Variants in EIF4A1 observed in about 807,000 individuals in gnomAD.
The protein encoded by EIF4A1 is eukaryotic initiation factor 4A-I.
EIF4A1 carries 11 observed loss-of-function variants against 53.5 expected under a neutral mutation model. The ratio of observed to expected loss-of-function variants is 0.21; its 90% CI spans 0.13 to 0.34. EIF4A1 has a LOEUF of 0.34. Among genes scored for constraint, EIF4A1 ranks in the 10% least tolerant of loss-of-function variants. The pLI is 1.00. For missense variants in EIF4A1, 213 were observed against 530.8 expected, an observed-to-expected ratio of 0.40 and a Z score of 5.88; for synonymous variants, 237 against 186.7, an observed-to-expected ratio of 1.27 and a Z score of -2.20.
At chr17:7,572,970 G>C in intron 1 of EIF4A1, 106 bp downstream of exon 1, 1 of 1,598,538 alleles carries the variant, frequency 6.3e-7, no homozygotes, top group Non-Finnish European at 8.6e-7. Flanking sequence ...GGGAGAAACC[G>C]AACCGGGTGG....
chr17:7,578,257 C>T lies in EIF4A1; in HGVS notation c.1076+13C>T. ...ACTATATCCACAGGTAAGCGTAGATCTGGAACACTCCCCTACCCCTTCACA... is the reference window on the plus strand; with the variant it reads ...ACTATATCCACAGGTAAGCGTAGATTTGGAACACTCCCCTACCCCTTCACA... On this transcript the variant is annotated intron_variant, in intron 10 of 10. Transcript: ENST00000293831. 1.9e-6 allele frequency: 3 copies of T among 1,614,174 alleles called. No homozygotes were observed. The highest frequency in any genetic ancestry group is 1.1e-5 in the South Asian group (1 of 91,080).
chr17:7,574,981 C>T, intron 3 of EIF4A1, 138 bp from the exon 4 acceptor site: 1 of 1,236,702 alleles, frequency 8.1e-7, no homozygotes, highest in Non-Finnish European at 1.2e-6. Flanking sequence ...CATTGTGTAA[C>T]TGTGTTGATT....
chr17:7,576,380 C>T, intron 4 of EIF4A1, 144 bp from the exon 5 acceptor site: 1 of 1,102,558 alleles, frequency 9.1e-7, no homozygotes, highest in Non-Finnish European at 1.2e-6. Context: ...ATTTTAGCCT[C>T]TGCCTGTTTC....
chr17:7,577,391 C>G lies in EIF4A1; in HGVS notation c.672C>G (p.Thr224=). Residue 224 remains threonine, a synonymous_variant, in exon 7 of 11, where the codon ACC becomes ACG. Coordinates refer to ENST00000293831, the MANE Select transcript of EIF4A1 (RefSeq NM_001416.4). The surrounding 1 kb of genome is among the most constrained non-coding windows in gnomAD (Gnocchi z 4.7). Reference sequence around the variant, plus strand: ...TGCCTTCTGATGTGCTTGAGGTGACCAAGAAGTTCATGAGGGACCCCATTC... The same window carrying G: ...TGCCTTCTGATGTGCTTGAGGTGACGAAGAAGTTCATGAGGGACCCCATTC... ...ATMPSDVLEV[T]KKFMRDPIRI... is the part of the protein sequence containing the mutation. The G allele has an allele frequency of 6.2e-7, 1 of 1,614,012 alleles. No individual in the cohort carries two copies. The highest frequency in any genetic ancestry group is 8.5e-7 in the Non-Finnish European group (1 of 1,180,012).
At chr17:7,574,502 C>A in intron 2 of EIF4A1, 44 bp from the exon 3 acceptor site, 12 of 1,612,266 alleles carry the variant, frequency 7.4e-6, no homozygotes, top group Non-Finnish European at 1.0e-5. Flanking sequence ...AGCTCAGCTC[C>A]ACCTTTTCCA....
At chr17:7,573,262 G>A in intron 1 of EIF4A1, 1 of 369,550 alleles carries the variant, frequency 2.7e-6, no homozygotes, top group South Asian at 2.8e-5. Flanking sequence ...GGCGCGCGGG[G>A]TTCCGGAGCA....
intron 5 of EIF4A1, 66 bp from the exon 6 acceptor site, chr17:7,576,990 T>A: frequency 6.3e-7 from 1 of 1,576,268 alleles, no homozygotes; most frequent in East Asian, 2.2e-5. Flanking sequence ...ATCAGCGAAG[T>A]TGGATATATC....
chr17:7,576,798 TG>T (rs1567734729), intron 5 of EIF4A1, 106 bp downstream of exon 5: 9 of 1,541,736 alleles, frequency 5.8e-6, no homozygotes, highest in Non-Finnish European at 7.0e-6. Context: ...GGTTTCTCTC[TG>T]GGGGAAGAGC....
chr17:7,577,336 T>TC lies in EIF4A1; in HGVS notation c.625-6dup, dbSNP rs1350043429. 1.2e-6 allele frequency: 2 copies of TC among 1,613,816 alleles called. No homozygotes were observed. Among genetic ancestry groups the TC allele is most frequent in the African/African-American group, 1.3e-5 (1 of 74,896 alleles). Reference sequence around the variant, plus strand: ...CAGCACTCTAAGACTGGCCTTTTTTTCCACTAGGTAGTTTTGCTGTCAGCC... The same window carrying TC: ...CAGCACTCTAAGACTGGCCTTTTTTTCCCACTAGGTAGTTTTGCTGTCAGCC... On this transcript the variant is annotated splice_polypyrimidine_tract_variant and splice_region_variant and intron_variant, in intron 6 of 10. Transcript: ENST00000293831. The surrounding 1 kb of genome is among the most constrained non-coding windows in gnomAD (Gnocchi z 4.7).
Position 7,578,613 on chromosome 17 carries a change from C to G in EIF4A1, c.*127C>G. On this transcript the variant is annotated 3_prime_UTR_variant, in exon 11 of 11. Coordinates refer to ENST00000293831, the MANE Select transcript of EIF4A1 (RefSeq NM_001416.4). ...ATTTTTTTTCTTTGAATAAATGTCA[C>G]TTTTTGAGGCAAAAGAAGGAACCGT... 1.8e-6 allele frequency: 2 copies of G among 1,136,812 alleles called. No homozygotes were observed. Among genetic ancestry groups the G allele is most frequent in the South Asian group, 4.8e-5 (2 of 41,880 alleles). 70.4% of individuals were successfully genotyped at this position (1,136,812 alleles called of 1,614,324 possible).
chr17:7,572,948 C>T (rs2071343212), intron 1 of EIF4A1, 84 bp downstream of exon 1: 2 of 1,612,498 alleles, frequency 1.2e-6, no homozygotes, highest in Admixed American at 1.7e-5. Context: ...CTGAGAGGCC[C>T]ACCAGGGTTG....
intron 4 of EIF4A1, chr17:7,576,281 C>T (rs2071400791): frequency 7.6e-6 from 3 of 393,484 alleles, no homozygotes; most frequent in African/African-American, 2.1e-5. Context: ...ATTATCTGAG[C>T]GGCCTCATTG....
rs532567661 is a variant in EIF4A1 at position 7,576,385 on chromosome 17, T to C, written c.346-139T>C. The C allele has an allele frequency of 6.9e-6, 8 of 1,156,536 alleles. No homozygotes were observed. In the African/African-American group the frequency reaches 1.3e-4, roughly 18 times the overall value. The allele number at this position is 1,156,536 out of a possible 1,614,324, so 71.6% of individuals were successfully genotyped here. Reference sequence around the variant, plus strand: ...TCTTAAGTGGATTTTAGCCTCTGCCTGTTTCTCAGCTGAATGTGAGTTTAA... The same window carrying C: ...TCTTAAGTGGATTTTAGCCTCTGCCCGTTTCTCAGCTGAATGTGAGTTTAA... On this transcript the variant is annotated intron_variant, in intron 4 of 10. Transcript: ENST00000293831.
chr17:7,578,718 ACT>A lies in EIF4A1; in HGVS notation c.*233_*234del. ...CTTCTCCCAAAAAAAAAAAAAAAAC[ACT>A]AATCCATTTCCCTAACCTAGTAACC... On this transcript the variant is annotated 3_prime_UTR_variant, in exon 11 of 11. Transcript: ENST00000293831. The A allele has an allele frequency of 5.4e-6, 2 of 369,410 alleles. No individual in the cohort carries two copies. The highest frequency in any genetic ancestry group is 9.5e-6 in the Non-Finnish European group (2 of 209,724). 22.9% of individuals were successfully genotyped at this position (369,410 alleles called of 1,614,324 possible).
At chr17:7,572,910 C>G (rs754591678) in intron 1 of EIF4A1, 46 bp downstream of exon 1, 1 of 1,614,144 alleles carries the variant, frequency 6.2e-7, no homozygotes, top group Admixed American at 1.7e-5. Flanking sequence ...ATTTTGCCGC[C>G]CCCTTCCGAC....
In EIF4A1 at chr17:7,577,776, C is replaced by T. The variant is rs2071421431; in HGVS notation, c.907-51C>T. ...AGTGTCCTACTTGAAGCCAGGGTTCCTGGAACCCAGGTGCCTACCTGGTCT... is the reference window on the plus strand; with the variant it reads ...AGTGTCCTACTTGAAGCCAGGGTTCTTGGAACCCAGGTGCCTACCTGGTCT... On this transcript the variant is annotated intron_variant, in intron 8 of 10. Coordinates refer to ENST00000293831, the MANE Select transcript of EIF4A1 (RefSeq NM_001416.4). This position sits in a 1 kb window ranked among gnomAD's most constrained non-coding sequence, Gnocchi z 4.7. The T allele has an allele frequency of 1.2e-6, 2 of 1,613,940 alleles. No homozygotes were observed. The highest frequency in any genetic ancestry group is 1.3e-5 in the African/African-American group (1 of 74,868).
intron 4 of EIF4A1, 74 bp downstream of exon 4, chr17:7,575,332 C>A: frequency 6.3e-7 from 1 of 1,599,940 alleles, no homozygotes; most frequent in Non-Finnish European, 8.5e-7. Context: ...CCAGAGAAGT[C>A]TTCTCTGATC....
chr17:7,577,181 C>CT lies in EIF4A1; in HGVS notation c.624+18dup, dbSNP rs757302772. The stretch of plus-strand genomic sequence containing the variant: ...CAACACCCAGGTGAGGGCAGTCTTG[C>CT]TTGAATAGCTAATGATTCTTGAAAA... On this transcript the variant is annotated intron_variant, in intron 6 of 10. Transcript: ENST00000293831. The surrounding 1 kb of genome is among the most constrained non-coding windows in gnomAD (Gnocchi z 4.7). 2 of 1,581,596 alleles carry CT rather than the reference C, an allele frequency of 1.3e-6. No homozygotes were observed. Among genetic ancestry groups the CT allele is most frequent in the Admixed American group, 3.8e-5 (2 of 53,054 alleles).
In EIF4A1 at chr17:7,574,536, C is replaced by T. The variant is rs758340415; in HGVS notation, c.73-10C>T. 17 of 1,612,676 alleles carry T rather than the reference C, an allele frequency of 1.1e-5. No homozygotes were observed. Among genetic ancestry groups the T allele is most frequent in the South Asian group, 5.5e-5 (5 of 91,006 alleles). Reference sequence around the variant, plus strand: ...CATGACTCAAGCTTTAATTTCTTTGCATCCCCTAGAGTAACTGGAATGAGA... The same window carrying T: ...CATGACTCAAGCTTTAATTTCTTTGTATCCCCTAGAGTAACTGGAATGAGA... On this transcript the variant is annotated splice_polypyrimidine_tract_variant and intron_variant, in intron 2 of 10. Transcript: ENST00000293831.
Sources: allele counts gnomAD v4.1 joint callset, GRCh38; gene constraint gnomAD v4.1.1; non-coding constraint Gnocchi (gnomAD v3.1); transcripts MANE v1.5; gene names NCBI Gene and HGNC (gene_info 2026-07-23, HGNC 2026-07-21).